The following BIRC6 variants were observed in gnomAD, a reference collection of about 807,000 sequenced individuals.
BIRC6 encodes the protein dual E2 ubiquitin-conjugating enzyme/E3 ubiquitin-protein ligase BIRC6.
BIRC6 carries 98 observed loss-of-function variants against 503.3 expected under a neutral mutation model. The ratio of observed to expected loss-of-function variants is 0.19; its 90% CI spans 0.17 to 0.23. The LOEUF (loss-of-function observed/expected upper bound fraction) is 0.23. Ranked by LOEUF, BIRC6 falls within the 10% of genes least tolerant of loss-of-function variation. The pLI is 1.00. For missense variants in BIRC6, 5,360 were observed against 5,806.0 expected (o/e 0.92, Z 2.50); for synonymous variants, 2,240 against 2,078.7 (o/e 1.08, Z -2.11).
intron 65 of BIRC6, among the ~76,000 whole-genome samples, chr2:32,568,489 C>T (rs537644314): frequency 0.013 from 759 of 57,422 alleles, 13 homozygotes; most frequent in African/African-American, 0.032. Context: ...GAGACCTTGG[C>T]GCAAAAAAAA....
intron 71 of BIRC6, 129 bp from the exon 72 acceptor site, chr2:32,607,326 A>G (rs1369821335): frequency 6.2e-6 from 4 of 640,014 alleles, no homozygotes; most frequent in East Asian, 2.8e-5. Flanking sequence ...AATCATAAAC[A>G]TTGATTTTAT....
intron 23 of BIRC6, among the ~76,000 whole-genome samples, chr2:32,462,632 T>A (rs2048118314): frequency 6.6e-6 from 1 of 152,178 alleles, no homozygotes; most frequent in Non-Finnish European, 1.5e-5. Context: ...TTTTTAATGA[T>A]CACTTTACTA....
At chr2:32,530,979 C>T (rs2056699857) in intron 60 of BIRC6, among the ~76,000 whole-genome samples, 1 of 152,112 alleles carries the variant, frequency 6.6e-6, no homozygotes, top group Admixed American at 6.5e-5. Flanking sequence ...ACTTTGAGAA[C>T]TTATTTATTT....
chr2:32,491,283 A>G (rs1323506690), intron 43 of BIRC6, 142 bp from the exon 44 acceptor site: 8 of 788,246 alleles, frequency 1.0e-5, no homozygotes, highest in Non-Finnish European at 1.3e-5. Context: ...TAGTCAATAT[A>G]GTAGAAACTG....
At chr2:32,436,726 G>C (rs533640788) in intron 15 of BIRC6, among the ~76,000 whole-genome samples, 52 of 151,818 alleles carry the variant, frequency 3.4e-4, no homozygotes, top group African/African-American at 1.2e-3. Context: ...ATTACGCCCA[G>C]ATAATTTTTG....
In BIRC6 at chr2:32,532,134, CGTGTGTGT is replaced by C. The variant is rs138437601; in HGVS notation, c.12291+613_12291+620del. The stretch of plus-strand genomic sequence containing the variant: ...GGAATTATTCTCTTTGATTTCATGT[CGTGTGTGT>C]GTGTGTGTGTGTGTGTGTGTGTGTG... On this transcript the variant is annotated intron_variant, in intron 61 of 73. Transcript: ENST00000421745. 194 of 449,824 alleles carry C rather than the reference CGTGTGTGT, an allele frequency of 4.3e-4. No homozygotes were observed. In the East Asian group the frequency reaches 7.0e-3, roughly 16 times the overall value. The allele number at this position is 449,824 out of a possible 1,614,324, so 27.9% of individuals were successfully genotyped here. A position where few individuals can be genotyped will look rare whatever the true frequency, so the allele number is the denominator to read the frequency against.
chr2:32,490,401 A>G (rs1307362577), intron 43 of BIRC6, among the ~76,000 whole-genome samples: 2 of 152,236 alleles, frequency 1.3e-5, no homozygotes, highest in South Asian at 4.1e-4. Flanking sequence ...TACAAAAGTT[A>G]GTGGGCGCCT....
chr2:32,482,323 A>G, intron 38 of BIRC6, 106 bp from the exon 39 acceptor site: 2 of 1,097,320 alleles, frequency 1.8e-6, no homozygotes, highest in Non-Finnish European at 2.6e-6. Flanking sequence ...TAAAGGGTGG[A>G]TAGAATATTT....
chr2:32,578,878 CT>C (rs1046276541), intron 66 of BIRC6, among the ~76,000 whole-genome samples: 1 of 150,576 alleles, frequency 6.6e-6, no homozygotes. Flanking sequence ...ATTTCTGTCT[CT>C]ATTACTGTGA....
rs779892937 is a variant in BIRC6 at position 32,441,369 on chromosome 2, C to G, written c.3851C>G (p.Thr1284Ser). 1.2e-6 allele frequency: 2 copies of G among 1,600,254 alleles called. No homozygotes were observed. ...GTTAAGAATGAAAATACAAGTGGCA[C>G]CCGTAAATCTGAAAACCTCCGGGGC... ...SNVKNENTSGTRKSENLRGCD... is the reference protein window; with the variant it reads ...SNVKNENTSGSRKSENLRGCD... Residue 1284 changes from threonine to serine, a missense_variant, in exon 17 of 74, where the codon ACC becomes AGC. Thr to Ser is a moderately conservative substitution (Grantham distance 58, BLOSUM62 1). Around this residue, in one of 16 missense-constraint regions of BIRC6, gnomAD observed 2,299 missense variants for 2,267.2 expected, o/e 1.01. Transcript: ENST00000421745.
chr2:32,532,981 A>T (rs562284121), intron 61 of BIRC6, among the ~76,000 whole-genome samples: 5 of 150,692 alleles, frequency 3.3e-5, no homozygotes, highest in African/African-American at 4.9e-5. Context: ...AGCATGATTT[A>T]AAAAAAAAAT....
chr2:32,382,323 ACT>A (rs2037789392), intron 3 of BIRC6, among the ~76,000 whole-genome samples: 1 of 152,194 alleles, frequency 6.6e-6, no homozygotes, highest in Non-Finnish European at 1.5e-5. Flanking sequence ...CTCTGAGGGA[ACT>A]CTATGAAACT....
chr2:32,416,330 C>T (rs1246039973), intron 10 of BIRC6, among the ~76,000 whole-genome samples, 167 bp downstream of exon 10: 1 of 152,046 alleles, frequency 6.6e-6, no homozygotes, highest in African/African-American at 2.4e-5. Context: ...AAACTTTTTT[C>T]TACTGCCCTA....
At chr2:32,404,895 C>G (rs898580631) in intron 8 of BIRC6, among the ~76,000 whole-genome samples, 2 of 152,006 alleles carry the variant, frequency 1.3e-5, no homozygotes, top group African/African-American at 4.8e-5. Context: ...TTCCTGGGCT[C>G]AAGCAGTCCT....
At chr2:32,467,482 A>T in intron 26 of BIRC6, 43 bp from the exon 27 acceptor site, 1 of 1,474,172 alleles carries the variant, frequency 6.8e-7, no homozygotes. Flanking sequence ...TCATTTGGTT[A>T]ATTGATATAT....
chr2:32,617,616 A>G (rs377652363), intron 73 of BIRC6, 109 bp from the exon 74 acceptor site: 27 of 1,179,038 alleles, frequency 2.3e-5, no homozygotes, highest in African/African-American at 6.1e-5. Flanking sequence ...GGCTCAGTAA[A>G]TATTTGTAGG....
At position 32,514,780 on chromosome 2, in the gene BIRC6, T is replaced by C. The variant is rs1210613232; in HGVS notation, c.10569-210T>C. Among the ~76,000 whole-genome samples the C allele has an allele frequency of 2.0e-5, 3 of 152,180 alleles. No homozygotes were observed. The East Asian group carries it at 5.8e-4, about 29-fold the overall frequency. Reference sequence around the variant, plus strand: ...TACTCATTGACAAGTCTAACTCAACTTGCATTGTACCTACATTCTTCAATT... The same window carrying C: ...TACTCATTGACAAGTCTAACTCAACCTGCATTGTACCTACATTCTTCAATT... On this transcript the variant is annotated intron_variant, in intron 54 of 73. Transcript: ENST00000421745.
chr2:32,495,508 G>A (rs887717615), intron 45 of BIRC6, among the ~76,000 whole-genome samples: 2 of 152,130 alleles, frequency 1.3e-5, no homozygotes, highest in African/African-American at 2.4e-5. Flanking sequence ...GTATAAAGAA[G>A]GCATTCAGTT....
intron 10 of BIRC6, among the ~76,000 whole-genome samples, chr2:32,419,948 C>T (rs190626710): frequency 2.3e-4 from 35 of 152,284 alleles, no homozygotes; most frequent in Non-Finnish European, 4.3e-4. Context: ...TACTTGTTTA[C>T]ATCCATGGAG....
Sources: allele counts gnomAD v4.1 joint callset (sites outside exome capture counted in the v4.1 genomes callset), GRCh38; gene constraint gnomAD v4.1.1; regional missense constraint gnomAD v4.1.1; transcripts MANE v1.5; gene names NCBI Gene and HGNC (gene_info 2026-07-23, HGNC 2026-07-21).